The following FAM168B variants were observed in gnomAD, a reference collection of about 807,000 sequenced individuals.
FAM168B encodes the protein myelin-associated neurite-outgrowth inhibitor.
In FAM168B, 19 loss-of-function variants were observed where a neutral mutation model predicts 21.8. The observed-to-expected ratio is 0.87, with a 90% confidence interval of 0.61 to 1.28. The LOEUF is 1.28. Among genes scored for constraint, FAM168B ranks in the 50% most tolerant of loss-of-function variants. The pLI is 0.00. For missense variants in FAM168B, 233 were observed against 263.1 expected, an observed-to-expected ratio of 0.89 and a Z score of 0.79; for synonymous variants, 126 against 104.8, an observed-to-expected ratio of 1.20 and a Z score of -1.24.
chr2:131,080,459 G>A (rs1360506574), intron 2 of FAM168B, among the ~76,000 whole-genome samples: 1 of 148,220 alleles, frequency 6.7e-6, no homozygotes, highest in Non-Finnish European at 1.5e-5. Flanking sequence ...CTCACACAGT[G>A]AACAAAAAAT....
chr2:131,093,026 G>A (rs546311955), intron 1 of FAM168B, among the ~76,000 whole-genome samples, 188 bp downstream of exon 1: 5 of 151,634 alleles, frequency 3.3e-5, no homozygotes, highest in Non-Finnish European at 5.9e-5. Context: ...GCACGCGTAC[G>A]TGTCCGGCCG....
intron 2 of FAM168B, among the ~76,000 whole-genome samples, chr2:131,077,304 T>C (rs1693205728): frequency 6.6e-6 from 1 of 151,570 alleles, no homozygotes; most frequent in Admixed American, 6.6e-5. Flanking sequence ...GCCGCCTGCA[T>C]CTCTTTTCCA....
At chr2:131,052,735 T>A (rs1691760135) in intron 6 of FAM168B, among the ~76,000 whole-genome samples, 156 bp downstream of exon 6, 1 of 152,098 alleles carries the variant, frequency 6.6e-6, no homozygotes, top group South Asian at 2.1e-4. Context: ...CTCTGTAATG[T>A]CTCAATAAAA....
At chr2:131,073,555 A>T (rs751195909) in intron 2 of FAM168B, among the ~76,000 whole-genome samples, 1 of 152,324 alleles carries the variant, frequency 6.6e-6, no homozygotes, top group East Asian at 1.9e-4. Context: ...CCTGATAAAA[A>T]GGACAAGTTC....
intron 3 of FAM168B, among the ~76,000 whole-genome samples, chr2:131,069,697 G>A (rs906605030): frequency 2.6e-5 from 4 of 151,986 alleles, no homozygotes; most frequent in African/African-American, 7.3e-5. Flanking sequence ...GTTTCACCGC[G>A]TTAGCCAGGA....
chr2:131,084,091 C>CGGG (rs771614652), intron 1 of FAM168B, among the ~76,000 whole-genome samples: 9 of 151,656 alleles, frequency 5.9e-5, no homozygotes, highest in Non-Finnish European at 8.8e-5. Flanking sequence ...TTAGTAGAGA[C>CGGG]GGGGTTTCAC....
chr2:131,064,504 C>A (rs1378711905), intron 3 of FAM168B, among the ~76,000 whole-genome samples: 2 of 152,092 alleles, frequency 1.3e-5, no homozygotes, highest in Non-Finnish European at 2.9e-5. Flanking sequence ...AGCTGGAAAG[C>A]CATTGAGCAA....
chr2:131,066,155 T>G (rs1692545812), intron 3 of FAM168B, among the ~76,000 whole-genome samples: 2 of 149,996 alleles, frequency 1.3e-5, no homozygotes, highest in Non-Finnish European at 1.5e-5. Flanking sequence ...TTTGCAACAT[T>G]TGTATCTTTT....
chr2:131,085,601 TAAG>T (rs377035156), intron 1 of FAM168B, among the ~76,000 whole-genome samples: 18 of 152,348 alleles, frequency 1.2e-4, no homozygotes, highest in African/African-American at 3.8e-4. Context: ...AATCCTGTAG[TAAG>T]AAGAAAATAT....
chr2:131,055,925 C>A (rs931435746), intron 3 of FAM168B, among the ~76,000 whole-genome samples: 5 of 152,110 alleles, frequency 3.3e-5, no homozygotes, highest in African/African-American at 1.2e-4. Context: ...GGAAAAAATA[C>A]CAAAAGAGAA....
At chr2:131,054,081 C>A (rs1001680835) in intron 5 of FAM168B, among the ~76,000 whole-genome samples, 1 of 151,544 alleles carries the variant, frequency 6.6e-6, no homozygotes, top group Non-Finnish European at 1.5e-5. Flanking sequence ...TGGTGGCAGG[C>A]GCCTGTAGTC....
chr2:131,072,536 G>A (rs1279240803), intron 2 of FAM168B, among the ~76,000 whole-genome samples: 1 of 151,648 alleles, frequency 6.6e-6, no homozygotes, highest in Non-Finnish European at 1.5e-5. Context: ...GCGCGACCTC[G>A]GCTCACTGCA....
chr2:131,053,010 G>C lies in FAM168B; in HGVS notation c.481C>G (p.Leu161Val), dbSNP rs1195553328. 2 of 1,549,968 alleles carry C rather than the reference G, an allele frequency of 1.3e-6. No individual in the cohort carries two copies. Among genetic ancestry groups the C allele is most frequent in the South Asian group, 2.4e-5 (2 of 83,930 alleles). The change falls in exon 6 of 7, where the codon CTG becomes GTG. Residue 161 changes from leucine (L) to valine (V), a missense_variant. By Grantham distance (32) the Leu-to-Val change is conservative. Coordinates refer to ENST00000389915, the MANE Select transcript of FAM168B (RefSeq NM_001009993.4). ...GTTMAMSAGT[L>V]LTAHSPTPVA... ...GGAGTTGGGGAGTGAGCAGTCAGCA[G>C]GGTACCTGGAAGAAAGAGCAGCACA...
rs373101895 is a variant in FAM168B, at chr2:131,049,535, A to C, written c.*2930T>G. 8.1e-6 allele frequency: 8 copies of C among 985,440 alleles called. No homozygotes were observed. The highest frequency in any genetic ancestry group is 5.2e-4 in the Middle Eastern group (1 of 1,914). The allele number at this position is 985,440 out of a possible 1,614,324, so 61.0% of individuals were successfully genotyped here. A position where few individuals can be genotyped will look rare whatever the true frequency, so the allele number is the denominator to read the frequency against. ...CGGCAAGTTCATGGGTCACTGGCTC[A>C]CACTAAATGCTCAGCCGCCAGCACA... On this transcript the variant is annotated 3_prime_UTR_variant, in exon 7 of 7. Transcript: ENST00000389915.
chr2:131,051,483 GAAA>G lies in FAM168B; in HGVS notation c.*979_*981del, dbSNP rs11293154. 42 of 924,010 alleles carry G rather than the reference GAAA, an allele frequency of 4.5e-5. No individual in the cohort carries two copies. Among genetic ancestry groups the G allele is most frequent in the South Asian group, 2.0e-4 (4 of 19,870 alleles). 57.2% of individuals were successfully genotyped at this position (924,010 alleles called of 1,614,324 possible). A position where few individuals can be genotyped will look rare whatever the true frequency, so the allele number is the denominator to read the frequency against. ...TCAGCTGATTCAAACATTTCTCCAG[GAAA>G]AAAAAAAAAAAAGGAATGATTTTCT... On this transcript the variant is annotated 3_prime_UTR_variant, in exon 7 of 7. Coordinates refer to ENST00000389915, the MANE Select transcript of FAM168B (RefSeq NM_001009993.4).
In FAM168B at chr2:131,080,260, A is replaced by T. The variant is rs569997434; in HGVS notation, c.70+2317T>A. The stretch of plus-strand genomic sequence containing the variant: ...AATGGCTGTTGATTGCACAAAATTA[A>T]AACAGTAACGTCTTTTTTTTTTTTT... On this transcript the variant is annotated intron_variant, in intron 2 of 6. Coordinates refer to ENST00000389915, the MANE Select transcript of FAM168B (RefSeq NM_001009993.4). Among the ~76,000 whole-genome samples, 9 of 152,324 alleles carry T rather than the reference A, an allele frequency of 5.9e-5. No individual in the cohort carries two copies. In the South Asian group the frequency reaches 1.7e-3, roughly 28 times the overall value.
chr2:131,077,853 T>C (rs114013376), intron 2 of FAM168B, among the ~76,000 whole-genome samples: 3,235 of 152,234 alleles, frequency 0.021, 120 homozygotes, highest in African/African-American at 0.073. Flanking sequence ...AACGCAGAGT[T>C]TTCCTTACTC....
At chr2:131,088,481 G>A (rs533962558) in intron 1 of FAM168B, among the ~76,000 whole-genome samples, 1 of 152,150 alleles carries the variant, frequency 6.6e-6, no homozygotes, top group African/African-American at 2.4e-5. Flanking sequence ...AGACATAAAA[G>A]CAATAGCTGA....
chr2:131,088,408 T>C (rs1392711638), intron 1 of FAM168B, among the ~76,000 whole-genome samples: 1 of 141,542 alleles, frequency 7.1e-6, no homozygotes, highest in African/African-American at 2.6e-5. Context: ...AATAAGGCAA[T>C]GGTGGGGGGA....
Sources: gnomAD v4.1 joint callset for allele counts (sites outside exome capture counted in the v4.1 genomes callset) on GRCh38, gnomAD v4.1.1 for gene constraint, MANE v1.5 for transcripts, NCBI Gene and HGNC (gene_info 2026-07-23, HGNC 2026-07-21) for gene names.